The following CCDC6 variants were observed in gnomAD, a reference collection of about 807,000 sequenced individuals.
CCDC6 encodes the protein coiled-coil domain containing 6, also known as coiled-coil domain-containing protein 6.
In CCDC6, 20 loss-of-function variants were observed where a neutral mutation model predicts 56.6. That is an observed-to-expected ratio of 0.35 (90% CI 0.25 to 0.51). The LOEUF (loss-of-function observed/expected upper bound fraction) is 0.51. Among genes scored for constraint, CCDC6 ranks in the 20% least tolerant of loss-of-function variants. The probability of loss-of-function intolerance (pLI) is 0.95; values close to 1 mark genes in which losing one functional copy is unlikely to be tolerated. For synonymous variants in CCDC6, 241 were observed against 234.4 expected (o/e 1.03, Z -0.26); for missense variants, 367 against 601.1 (o/e 0.61, Z 4.07).
chr10:59,825,563 T>C (rs3844161), intron 3 of CCDC6, among the ~76,000 whole-genome samples: 76,295 of 152,102 alleles, frequency 0.5, 19,929 homozygotes, highest in African/African-American at 0.64. Context: ...CAAACTTGAA[T>C]ATGAGCCACT....
At chr10:59,821,440 A>C (rs2070748922) in intron 3 of CCDC6, among the ~76,000 whole-genome samples, 2 of 152,204 alleles carry the variant, frequency 1.3e-5, no homozygotes, top group South Asian at 4.1e-4. Context: ...CTAAGGTGGA[A>C]GACATCTGAC....
At chr10:59,852,481 C>A in intron 2 of CCDC6, 72 bp downstream of exon 2, 1 of 1,249,866 alleles carries the variant, frequency 8.0e-7, no homozygotes, top group Admixed American at 2.5e-5. Context: ...AAGCAAAGTG[C>A]TATATCAAAG....
intron 3 of CCDC6, among the ~76,000 whole-genome samples, chr10:59,821,093 C>A (rs759691221): frequency 1.3e-5 from 2 of 151,970 alleles, no homozygotes; most frequent in Admixed American, 6.6e-5. Context: ...AATATAAGTA[C>A]AATATTCAAA....
intron 3 of CCDC6, among the ~76,000 whole-genome samples, chr10:59,818,315 T>G (rs796280973): frequency 8.5e-5 from 13 of 152,202 alleles, no homozygotes; most frequent in African/African-American, 3.1e-4. Flanking sequence ...CAGCTATCAA[T>G]CTACTGCCCA....
At chr10:59,825,483 C>CA (rs1313486766) in intron 3 of CCDC6, among the ~76,000 whole-genome samples, 2 of 152,126 alleles carry the variant, frequency 1.3e-5, no homozygotes, top group African/African-American at 2.4e-5. Flanking sequence ...ATGTCTTCAT[C>CA]AGCAGCGTGA....
At chr10:59,883,542 C>T (rs925933535) in intron 1 of CCDC6, among the ~76,000 whole-genome samples, 1 of 152,198 alleles carries the variant, frequency 6.6e-6, no homozygotes, top group African/African-American at 2.4e-5. Context: ...ATTCTATCAG[C>T]TGAACTTATG....
At chr10:59,872,863 G>A (rs1473981185) in intron 1 of CCDC6, among the ~76,000 whole-genome samples, 1 of 151,754 alleles carries the variant, frequency 6.6e-6, no homozygotes, top group Non-Finnish European at 1.5e-5. Context: ...ATATTGCTAA[G>A]CTGTCATTAG....
rs1265000105 is a variant in CCDC6 at position 59,789,893 on chromosome 10, G to C, written c.*3024C>G. 3 of 150,256 alleles carry C rather than the reference G, an allele frequency of 2.0e-5. No homozygotes were observed. Among genetic ancestry groups the C allele is most frequent in the African/African-American group, 1.2e-4 (3 of 26,034 alleles). The allele number at this position is 150,256 out of a possible 1,614,324, so 9.3% of individuals were successfully genotyped here. A position where few individuals can be genotyped will look rare whatever the true frequency, so the allele number is the denominator to read the frequency against. ...AAAATTCACATTATCAATTATTTCT[G>C]GTTGAATTCTGTTAGAAGCCAATTA... On this transcript the variant is annotated 3_prime_UTR_variant, in exon 9 of 9. Transcript: ENST00000263102.
intron 1 of CCDC6, among the ~76,000 whole-genome samples, chr10:59,891,201 A>C (rs1206652472): frequency 1.3e-5 from 2 of 152,200 alleles, no homozygotes; most frequent in Non-Finnish European, 2.9e-5. Context: ...ACAGTTGTGC[A>C]TCCTGCATTT....
intron 1 of CCDC6, among the ~76,000 whole-genome samples, chr10:59,893,519 C>T (rs920944271): frequency 2.6e-5 from 4 of 152,202 alleles, no homozygotes; most frequent in African/African-American, 9.6e-5. Context: ...GTGGGAAGAT[C>T]GCTTTGAGCC....
At chr10:59,796,238 C>T (rs2070517223) in intron 7 of CCDC6, among the ~76,000 whole-genome samples, 1 of 151,080 alleles carries the variant, frequency 6.6e-6, no homozygotes, top group African/African-American at 2.4e-5. Context: ...TGATGGTGAG[C>T]ATTTTTTCAT....
rs372606692 is a variant in CCDC6 at position 59,851,131 on chromosome 10, GAAAAAAAAA to G, written c.453+1413_453+1421del. 7.7e-3 allele frequency among the ~76,000 whole-genome samples: 360 copies of G among 46,792 alleles called. 3 individuals carry two copies. Among genetic ancestry groups the G allele is most frequent in the African/African-American group, 0.028 (348 of 12,290 alleles). 30.7% of individuals were successfully genotyped at this position (46,792 alleles called of 152,430 possible). A position where few individuals can be genotyped will look rare whatever the true frequency, so the allele number is the denominator to read the frequency against. On this transcript the variant is annotated intron_variant, in intron 2 of 8. Transcript: ENST00000263102. ...ACTCCAAAAAACAACCATGTAAATTGAAAAAAAAAAAAAAAAAAAAAAAAGGTTTCTTGC... is the reference window on the plus strand; with the variant it reads ...ACTCCAAAAAACAACCATGTAAATTGAAAAAAAAAAAAAAAGGTTTCTTGC...
chr10:59,857,535 G>T (rs564829268), intron 1 of CCDC6, among the ~76,000 whole-genome samples: 3 of 152,248 alleles, frequency 2.0e-5, no homozygotes, highest in African/African-American at 7.2e-5. Flanking sequence ...CACGTAGGGT[G>T]GTGCAATTCA....
chr10:59,897,237 G>A (rs2071470423), intron 1 of CCDC6, among the ~76,000 whole-genome samples: 2 of 152,022 alleles, frequency 1.3e-5, no homozygotes, highest in Admixed American at 1.3e-4. Flanking sequence ...GTTATCATTT[G>A]AGTTGGTATA....
chr10:59,824,826 A>G (rs905203935), intron 3 of CCDC6, among the ~76,000 whole-genome samples: 13 of 152,200 alleles, frequency 8.5e-5, no homozygotes, highest in Admixed American at 7.2e-4. Flanking sequence ...TTATTTGTAC[A>G]ATGCAAACGT....
At chr10:59,859,226 G>A (rs1589052084) in intron 1 of CCDC6, among the ~76,000 whole-genome samples, 6 of 148,566 alleles carry the variant, frequency 4.0e-5, no homozygotes, top group Admixed American at 3.4e-4. Context: ...GTGTGTGTGT[G>A]TGTGTGTGTG....
At position 59,790,226 on chromosome 10, in the gene CCDC6, G is replaced by T. The variant is rs1162969900; in HGVS notation, c.*2691C>A. 1 of 217,586 alleles carries T rather than the reference G, an allele frequency of 4.6e-6. No individual in the cohort carries two copies. Among genetic ancestry groups the T allele is most frequent in the African/African-American group, 2.2e-5 (1 of 44,488 alleles). 13.5% of individuals were successfully genotyped at this position (217,586 alleles called of 1,614,324 possible). A position where few individuals can be genotyped will look rare whatever the true frequency, so the allele number is the denominator to read the frequency against. ...TTATCCTATTAGCAGCACAGTGGTA[G>T]CCAAGGGTCTCTGTCTGCAAGACAG... is the stretch of plus-strand genomic sequence containing the variant. On this transcript the variant is annotated 3_prime_UTR_variant, in exon 9 of 9. Transcript: ENST00000263102.
At chr10:59,833,042 T>C (rs2070846919) in intron 2 of CCDC6, among the ~76,000 whole-genome samples, 1 of 152,238 alleles carries the variant, frequency 6.6e-6, no homozygotes, top group Admixed American at 6.5e-5. Flanking sequence ...GGTAAATTAT[T>C]CAGAATGCTA....
At chr10:59,895,465 G>A (rs931997810) in intron 1 of CCDC6, among the ~76,000 whole-genome samples, 5 of 152,190 alleles carry the variant, frequency 3.3e-5, no homozygotes, top group Non-Finnish European at 7.3e-5. Flanking sequence ...GCCTAAATTT[G>A]TAGGCTTATG....
Sources: gnomAD v4.1 joint callset for allele counts (sites outside exome capture counted in the v4.1 genomes callset) on GRCh38, gnomAD v4.1.1 for gene constraint, MANE v1.5 for transcripts, NCBI Gene and HGNC (gene_info 2026-07-23, HGNC 2026-07-21) for gene names.